CNNM2: variants seen among roughly 807,000 people sequenced by gnomAD.
The protein encoded by CNNM2 is metal transporter CNNM2.
Under a neutral mutation model 66.9 loss-of-function variants are expected in CNNM2, and 12 were observed. The ratio of observed to expected loss-of-function variants is 0.18; its 90% CI spans 0.11 to 0.29. The LOEUF is 0.29. CNNM2 is among the 10% of genes least tolerant of loss of function. CNNM2 has a pLI of 1.00. For synonymous variants in CNNM2, 557 were observed against 501.8 expected, an observed-to-expected ratio of 1.11 and a Z score of -1.47; for missense variants, 705 against 1,167.7, an observed-to-expected ratio of 0.60 and a Z score of 5.77.
intron 1 of CNNM2, among the ~76,000 whole-genome samples, chr10:102,934,056 C>G (rs1846148869): frequency 6.8e-6 from 1 of 148,082 alleles, no homozygotes; most frequent in Admixed American, 6.8e-5. Context: ...GTTGCCCAGG[C>G]TGATCTTGAA....
intron 1 of CNNM2, among the ~76,000 whole-genome samples, chr10:103,012,731 A>G (rs994819777): frequency 1.3e-5 from 2 of 148,794 alleles, no homozygotes; most frequent in Non-Finnish European, 1.5e-5. Flanking sequence ...TTCAGTATAT[A>G]GTTTGGTGAA....
chr10:103,011,942 C>T (rs558919021), intron 1 of CNNM2, among the ~76,000 whole-genome samples: 4 of 152,220 alleles, frequency 2.6e-5, no homozygotes, highest in East Asian at 3.9e-4. Context: ...CTGCCCACCT[C>T]GGCCTCCCAA....
intron 1 of CNNM2, among the ~76,000 whole-genome samples, chr10:102,944,886 G>T (rs1456100482): frequency 6.6e-6 from 1 of 151,744 alleles, no homozygotes; most frequent in African/African-American, 2.4e-5. Flanking sequence ...CATTTTTGGA[G>T]TCCGGGCTAG....
At chr10:103,053,108 T>C (rs2065242728) in intron 2 of CNNM2, among the ~76,000 whole-genome samples, 1 of 152,228 alleles carries the variant, frequency 6.6e-6, no homozygotes, top group African/African-American at 2.4e-5. Context: ...ACTTGAAAGA[T>C]GGTTTTGCAG....
At chr10:102,958,846 C>G (rs1160025770) in intron 1 of CNNM2, among the ~76,000 whole-genome samples, 2 of 151,842 alleles carry the variant, frequency 1.3e-5, no homozygotes, top group Non-Finnish European at 2.9e-5. Flanking sequence ...TTTAAAAAAC[C>G]CTCTTTTAAA....
At chr10:102,972,516 A>G (rs1342686281) in intron 1 of CNNM2, among the ~76,000 whole-genome samples, 8 of 152,182 alleles carry the variant, frequency 5.3e-5, no homozygotes, top group Non-Finnish European at 1.2e-4. Context: ...GGGCGCCTGT[A>G]GTCCCAGCTA....
intron 1 of CNNM2, among the ~76,000 whole-genome samples, chr10:103,044,153 CCATCAGTTTAT>C (rs2065089607): frequency 6.6e-6 from 1 of 152,122 alleles, no homozygotes; most frequent in Non-Finnish European, 1.5e-5. Flanking sequence ...AGTTAAGAAT[CCATCAGTTTAT>C]CATCTTTTTA....
chr10:103,076,396 T>A, intron 7 of CNNM2, 126 bp downstream of exon 7: 1 of 914,934 alleles, frequency 1.1e-6, no homozygotes, highest in Non-Finnish European at 1.7e-6. Flanking sequence ...TGCCCTGCCT[T>A]CCATTCTCAA....
chr10:103,038,085 G>A (rs532379643), intron 1 of CNNM2, among the ~76,000 whole-genome samples: 1 of 151,982 alleles, frequency 6.6e-6, no homozygotes, highest in Non-Finnish European at 1.5e-5. Flanking sequence ...AGCCATTTGC[G>A]CACCTTAGCC....
At position 102,935,158 on chromosome 10, in the gene CNNM2, C is replaced by CA. The variant is rs71753183; in HGVS notation, c.1621+15081dup. Among the ~76,000 whole-genome samples the CA allele has an allele frequency of 9.8e-3, 803 of 81,570 alleles. 7 individuals are homozygous for CA. The highest frequency in any genetic ancestry group is 0.013 in the South Asian group (32 of 2,416). 53.5% of individuals were successfully genotyped at this position (81,570 alleles called of 152,430 possible). ...TGGGCGACAGAGCGAGACTCCATCTCAAAAAAAAAAAAAAAAAAAAAAAAG... is the reference window on the plus strand; with the variant it reads ...TGGGCGACAGAGCGAGACTCCATCTCAAAAAAAAAAAAAAAAAAAAAAAAAG... On this transcript the variant is annotated intron_variant, in intron 1 of 7. Coordinates refer to ENST00000369878, the MANE Select transcript of CNNM2 (RefSeq NM_017649.5).
chr10:103,016,522 A>AC lies in CNNM2; in HGVS notation c.1622-33179dup, dbSNP rs1255454086. Among the ~76,000 whole-genome samples the AC allele has an allele frequency of 2.6e-5, 4 of 151,038 alleles. No individual in the cohort carries two copies. In the East Asian group the frequency reaches 7.8e-4, roughly 29 times the overall value. ...TGGGGAGCAGACAAGCCTTACATCTACCCCCCACTTATTTTCAAGCCACAA... is the reference window on the plus strand; with the variant it reads ...TGGGGAGCAGACAAGCCTTACATCTACCCCCCCACTTATTTTCAAGCCACAA... On this transcript the variant is annotated intron_variant, in intron 1 of 7. Coordinates refer to ENST00000369878, the MANE Select transcript of CNNM2 (RefSeq NM_017649.5).
intron 1 of CNNM2, among the ~76,000 whole-genome samples, chr10:103,039,357 G>A (rs145847812): frequency 6.0e-4 from 91 of 152,164 alleles, no homozygotes; most frequent in Non-Finnish European, 1.2e-3. Flanking sequence ...AGTTGGTCTC[G>A]AACTCCTGAC....
At chr10:102,976,337 G>A (rs2063628065) in intron 1 of CNNM2, among the ~76,000 whole-genome samples, 1 of 151,512 alleles carries the variant, frequency 6.6e-6, no homozygotes, top group Admixed American at 6.6e-5. Flanking sequence ...TTTGTTTCAG[G>A]GTTCTCTGAA....
Position 103,054,234 on chromosome 10 carries a change from G to C in CNNM2, c.1766-95G>C. Reference sequence around the variant, plus strand: ...CGCCTGCATCTGGAAATACAGTCCAGCTCTTCCAATATATTTTGTCTTTTT... The same window carrying C: ...CGCCTGCATCTGGAAATACAGTCCACCTCTTCCAATATATTTTGTCTTTTT... On this transcript the variant is annotated intron_variant, in intron 2 of 7. Transcript: ENST00000369878. The surrounding 1 kb of genome is among the most constrained non-coding windows in gnomAD (Gnocchi z 5.2). The C allele has an allele frequency of 7.2e-7, 1 of 1,391,416 alleles. No individual in the cohort carries two copies. Among genetic ancestry groups the C allele is most frequent in the Non-Finnish European group, 9.8e-7 (1 of 1,017,058 alleles). 86.2% of individuals were successfully genotyped at this position (1,391,416 alleles called of 1,614,324 possible).
At chr10:102,950,269 A>G (rs1226570795) in intron 1 of CNNM2, among the ~76,000 whole-genome samples, 3 of 152,194 alleles carry the variant, frequency 2.0e-5, no homozygotes, top group Non-Finnish European at 4.4e-5. Context: ...TCTAAGGTAA[A>G]AATGAAATGT....
At chr10:103,029,087 G>C (rs2064770894) in intron 1 of CNNM2, among the ~76,000 whole-genome samples, 1 of 151,742 alleles carries the variant, frequency 6.6e-6, no homozygotes, top group Non-Finnish European at 1.5e-5. Context: ...CTCCCAAAAT[G>C]CTGGGATTAC....
intron 1 of CNNM2, among the ~76,000 whole-genome samples, chr10:103,023,950 A>G (rs1477031944): frequency 4.6e-5 from 7 of 152,212 alleles, no homozygotes; most frequent in Admixed American, 4.6e-4. Context: ...TACAGATATC[A>G]TACTTTATCC....
chr10:102,941,442 T>TAA (rs35442219), intron 1 of CNNM2, among the ~76,000 whole-genome samples: 3 of 151,330 alleles, frequency 2.0e-5, no homozygotes, highest in Non-Finnish European at 4.4e-5. Context: ...ATAGCCAGCA[T>TAA]AAAAAAAAAT....
intron 1 of CNNM2, chr10:102,927,661 A>T (rs772485248): frequency 2.5e-6 from 1 of 397,874 alleles, no homozygotes; most frequent in Non-Finnish European, 4.5e-6. Flanking sequence ...GCTTCTTGGG[A>T]GGCTGAGACA....
Sources: allele counts gnomAD v4.1 joint callset (sites outside exome capture counted in the v4.1 genomes callset), GRCh38; gene constraint gnomAD v4.1.1; non-coding constraint Gnocchi (gnomAD v3.1); transcripts MANE v1.5; gene names NCBI Gene and HGNC (gene_info 2026-07-23, HGNC 2026-07-21).